The following IMMT variants were observed in gnomAD, a reference collection of about 807,000 sequenced individuals.
IMMT encodes MICOS complex subunit MIC60.
In IMMT, 40 loss-of-function variants were observed where a neutral mutation model predicts 92.7. The observed-to-expected ratio is 0.43, with a 90% confidence interval of 0.34 to 0.56. The LOEUF is 0.56. Ranked by LOEUF, IMMT falls within the 20% of genes least tolerant of loss-of-function variation. The pLI is 0.03. For synonymous variants in IMMT, 322 were observed against 336.1 expected, an observed-to-expected ratio of 0.96 and a Z score of 0.46; for missense variants, 831 against 912.1, an observed-to-expected ratio of 0.91 and a Z score of 1.14.
At position 86,151,384 on chromosome 2, in the gene IMMT, C is replaced by G; in HGVS notation, c.1314G>C (p.Lys438Asn). 1.2e-6 allele frequency: 2 copies of G among 1,614,016 alleles called. No homozygotes were observed. Among genetic ancestry groups the G allele is most frequent in the South Asian group, 2.2e-5 (2 of 91,084 alleles). The change falls in exon 12 of 15, where the codon AAG (lysine) becomes AAC (asparagine). Residue 438 changes from lysine (K) to asparagine (N), a missense_variant. Physicochemically the swap from Lys to Asn is moderately conservative, Grantham distance 94. Coordinates refer to ENST00000410111, the MANE Select transcript of IMMT (RefSeq NM_006839.3). ...QHITLALEKQ[K>N]LEEKRAFDSA... is the part of the protein sequence containing the mutation. ...AGTCAAATGCCCGCTTTTCTTCCAG[C>G]TTTTGTTTCTCCAAGGCTAACGTGA...
intron 1 of IMMT, among the ~76,000 whole-genome samples, chr2:86,194,435 A>G (rs1352831763): frequency 2.6e-5 from 4 of 152,212 alleles, no homozygotes. Context: ...AGCAAATAGG[A>G]AGAGAAGCGA....
intron 7 of IMMT, 71 bp from the exon 8 acceptor site, chr2:86,162,150 A>G: frequency 2.3e-6 from 2 of 880,648 alleles, no homozygotes; most frequent in Middle Eastern, 3.3e-4. Context: ...ACAAGATTGA[A>G]CACAGAAACA....
At chr2:86,181,665 C>T (rs1672444361) in intron 1 of IMMT, among the ~76,000 whole-genome samples, 1 of 151,538 alleles carries the variant, frequency 6.6e-6, no homozygotes, top group Admixed American at 6.6e-5. Context: ...TTCTTGAATA[C>T]AATTGGTATT....
intron 13 of IMMT, among the ~76,000 whole-genome samples, chr2:86,146,426 A>C (rs1675021260): frequency 6.6e-6 from 1 of 150,878 alleles, no homozygotes; most frequent in African/African-American, 2.4e-5. Flanking sequence ...GTTGGAGTGC[A>C]GTGGCACAAT....
rs752968371 is a variant in IMMT at position 86,144,304 on chromosome 2, G to C, written c.2241C>G (p.Ala747=). The C allele has an allele frequency of 1.2e-6, 2 of 1,613,830 alleles. No individual in the cohort carries two copies. Among genetic ancestry groups the C allele is most frequent in the Non-Finnish European group, 1.7e-6 (2 of 1,179,854 alleles). The change falls in exon 15 of 15, where the codon GCC becomes GCG. Residue 747 remains alanine (A), a synonymous_variant. Transcript: ENST00000410111. The part of the protein sequence containing the change: ...IVEILTAYAS[A]VGIGTTQVQP... ...GCACCTGAGTGGTTCCTATTCCTAC[G>C]GCGCTGGCATATGCTGTCAGGATTT...
rs137932603 is a variant in IMMT at position 86,192,233 on chromosome 2, T to TAC, written c.45+3103_45+3104dup. On this transcript the variant is annotated intron_variant, in intron 1 of 14. Transcript: ENST00000410111. ...GGGCAACAGAATGAGACCCTATCTC[T>TAC]ACACACACACACACACCCTTATTGT... 8.3e-4 allele frequency among the ~76,000 whole-genome samples: 125 copies of TAC among 151,322 alleles called. 1 individual carries two copies. Among genetic ancestry groups the TAC allele is most frequent in the Middle Eastern group, 3.4e-3 (1 of 294 alleles).
Position 86,171,244 on chromosome 2 carries a change from C to T in IMMT, c.523G>A (p.Glu175Lys). ...GGTGTGGGTTTTCCTTCACCAATTT[C>T]AGGGTGATCAGTTTTTAAAGATTCC... ...PEESLKTDHP[E>K]IGEGKPTPAL... is the part of the protein sequence containing the mutation. Residue 175 changes from glutamate to lysine, a missense_variant, in exon 5 of 15, where the codon GAA (glutamate) becomes AAA (lysine). Coordinates refer to ENST00000410111, the MANE Select transcript of IMMT (RefSeq NM_006839.3). 1 of 1,603,158 alleles carries T rather than the reference C, an allele frequency of 6.2e-7. No homozygotes were observed.
intron 2 of IMMT, among the ~76,000 whole-genome samples, chr2:86,180,919 G>A (rs886478763): frequency 1.3e-5 from 2 of 151,804 alleles, no homozygotes; most frequent in African/African-American, 4.8e-5. Flanking sequence ...ATAATAAAAT[G>A]CCAAATAAAT....
chr2:86,173,278 A>C (rs1182388770), intron 4 of IMMT, among the ~76,000 whole-genome samples: 2 of 152,206 alleles, frequency 1.3e-5, no homozygotes, highest in African/African-American at 4.8e-5. Flanking sequence ...GAAAGAAGAG[A>C]GGATAAAGAA....
At chr2:86,167,832 T>A (rs1676821756) in intron 6 of IMMT, among the ~76,000 whole-genome samples, 1 of 152,206 alleles carries the variant, frequency 6.6e-6, no homozygotes, top group Admixed American at 6.5e-5. Flanking sequence ...AAAGTGTTTT[T>A]TTTTTTCAAA....
At chr2:86,193,712 T>C (rs933063746) in intron 1 of IMMT, among the ~76,000 whole-genome samples, 4 of 152,176 alleles carry the variant, frequency 2.6e-5, no homozygotes, top group African/African-American at 9.6e-5. Flanking sequence ...AGCAGCAATG[T>C]CAAATGCTAC....
chr2:86,155,232 C>T (rs1298724338), intron 10 of IMMT, among the ~76,000 whole-genome samples: 1 of 152,186 alleles, frequency 6.6e-6, no homozygotes, highest in Non-Finnish European at 1.5e-5. Context: ...CCAAGGGGCT[C>T]TGAACATCAA....
Position 86,153,487 on chromosome 2 carries a change from C to T in IMMT, c.1177+73G>A, listed in dbSNP as rs72936343. On this transcript the variant is annotated intron_variant, in intron 11 of 14. Coordinates refer to ENST00000410111, the MANE Select transcript of IMMT (RefSeq NM_006839.3). ...GATGGCTTTGTGTAAGAATCATAGG[C>T]ACAACAAAAAGACTTTAGTCTCTTA... is the stretch of plus-strand genomic sequence containing the variant. 2,355 of 755,696 alleles carry T rather than the reference C, an allele frequency of 3.1e-3. 47 individuals are homozygous for T. In the African/African-American group the frequency reaches 0.039, roughly 13 times the overall value. The allele number at this position is 755,696 out of a possible 1,614,324, so 46.8% of individuals were successfully genotyped here.
At chr2:86,184,600 T>C (rs1295821798) in intron 1 of IMMT, among the ~76,000 whole-genome samples, 1 of 152,120 alleles carries the variant, frequency 6.6e-6, no homozygotes, top group Non-Finnish European at 1.5e-5. Context: ...AGAGGGGTGC[T>C]ACTGCAACAA....
At chr2:86,165,204 T>C (rs532845826) in intron 7 of IMMT, among the ~76,000 whole-genome samples, 1 of 152,316 alleles carries the variant, frequency 6.6e-6, no homozygotes, top group South Asian at 2.1e-4. Context: ...ACCCAAGTAG[T>C]AACATGGCAT....
intron 13 of IMMT, among the ~76,000 whole-genome samples, 173 bp from the exon 14 acceptor site, chr2:86,146,370 AATATAT>A (rs147978838): frequency 0.014 from 1,726 of 122,846 alleles, 34 homozygotes; most frequent in African/African-American, 0.062. Flanking sequence ...TGATGTATAT[AATATAT>A]TTTTTTTTTT....
intron 1 of IMMT, chr2:86,194,840 G>A (rs900568612): frequency 1.8e-5 from 3 of 168,848 alleles, no homozygotes; most frequent in Non-Finnish European, 4.3e-5. Flanking sequence ...AGTGTTCTCA[G>A]CTGCGAAAAG....
chr2:86,172,831 C>G (rs12478369), intron 4 of IMMT, among the ~76,000 whole-genome samples: 1 of 151,940 alleles, frequency 6.6e-6, no homozygotes, highest in East Asian at 1.9e-4. Context: ...ACATGACTTA[C>G]CCCCCTTATC....
At chr2:86,148,344 C>T (rs1675192030) in intron 12 of IMMT, among the ~76,000 whole-genome samples, 1 of 152,120 alleles carries the variant, frequency 6.6e-6, no homozygotes, top group South Asian at 2.1e-4. Context: ...CGTGGTGGCT[C>T]ACACCTGTAA....
Sources: allele counts gnomAD v4.1 joint callset (sites outside exome capture counted in the v4.1 genomes callset), GRCh38; gene constraint gnomAD v4.1.1; transcripts MANE v1.5; gene names NCBI Gene and HGNC (gene_info 2026-07-23, HGNC 2026-07-21).